PPFIA2: variants seen among roughly 807,000 people sequenced by gnomAD.
PPFIA2 encodes PPFI scaffold protein A2.
A neutral mutation model predicts 175.5 loss-of-function variants in PPFIA2; 46 were observed. The ratio of observed to expected loss-of-function variants is 0.26; its 90% CI spans 0.21 to 0.34. The LOEUF (loss-of-function observed/expected upper bound fraction) is 0.34. PPFIA2 is among the 10% of genes least tolerant of loss of function. PPFIA2 has a pLI of 1.00. For missense variants in PPFIA2, 1,179 were observed against 1,506.1 expected (o/e 0.78, Z 3.60); for synonymous variants, 568 against 511.4 (o/e 1.11, Z -1.49).
At chr12:81,322,692 T>C (rs1566135604) in intron 22 of PPFIA2, among the ~76,000 whole-genome samples, 1 of 152,164 alleles carries the variant, frequency 6.6e-6, no homozygotes, top group Non-Finnish European at 1.5e-5. Context: ...AAAGGCAAAC[T>C]AGGCAGAGCA....
At chr12:81,558,509 G>A (rs147590166) in intron 4 of PPFIA2, among the ~76,000 whole-genome samples, 14 of 152,250 alleles carry the variant, frequency 9.2e-5, no homozygotes, top group Non-Finnish European at 1.9e-4. Flanking sequence ...GAACATTCCC[G>A]TGCTTTCACA....
intron 3 of PPFIA2, among the ~76,000 whole-genome samples, chr12:81,684,416 G>A (rs1054079078): frequency 4.6e-5 from 7 of 152,048 alleles, no homozygotes; most frequent in African/African-American, 1.4e-4. Flanking sequence ...CCAGCAAGAG[G>A]TGAATACCTA....
At chr12:81,447,437 C>T (rs973749519) in intron 5 of PPFIA2, among the ~76,000 whole-genome samples, 1 of 152,102 alleles carries the variant, frequency 6.6e-6, no homozygotes, top group African/African-American at 2.4e-5. Context: ...TTATGCTGTA[C>T]CCTCTGCCCA....
intron 26 of PPFIA2, among the ~76,000 whole-genome samples, chr12:81,282,336 A>T (rs1337266294): frequency 6.6e-6 from 1 of 152,068 alleles, no homozygotes; most frequent in East Asian, 1.9e-4. Flanking sequence ...TTTTTATCAA[A>T]ATCAAAATCA....
chr12:81,437,181 A>G (rs2049216245), intron 7 of PPFIA2, among the ~76,000 whole-genome samples: 1 of 152,106 alleles, frequency 6.6e-6, no homozygotes, highest in South Asian at 2.1e-4. Flanking sequence ...CTGCTGTTCA[A>G]TTTTATGTAT....
chr12:81,582,516 C>T (rs888959479), intron 4 of PPFIA2, among the ~76,000 whole-genome samples: 5 of 151,702 alleles, frequency 3.3e-5, no homozygotes, highest in Non-Finnish European at 5.9e-5. Context: ...TCTACAAAAG[C>T]ACAAATTCTC....
At chr12:81,511,400 A>G (rs1006249286) in intron 4 of PPFIA2, among the ~76,000 whole-genome samples, 1 of 152,152 alleles carries the variant, frequency 6.6e-6, no homozygotes, top group Non-Finnish European at 1.5e-5. Context: ...AGAAATGAAC[A>G]TCAAGATTTA....
intron 13 of PPFIA2, among the ~76,000 whole-genome samples, chr12:81,367,579 C>T (rs575783639): frequency 1.3e-5 from 2 of 151,622 alleles, no homozygotes; most frequent in South Asian, 4.2e-4. Flanking sequence ...AAGAAGAAAT[C>T]ATGAAATCAT....
chr12:81,634,360 T>C (rs552017933), intron 4 of PPFIA2, among the ~76,000 whole-genome samples: 2 of 152,054 alleles, frequency 1.3e-5, no homozygotes, highest in African/African-American at 4.8e-5. Flanking sequence ...TAAGTTTATT[T>C]TGTGGAATGA....
At chr12:81,273,060 T>G (rs949212153) in intron 28 of PPFIA2, among the ~76,000 whole-genome samples, 2 of 152,160 alleles carry the variant, frequency 1.3e-5, no homozygotes. Flanking sequence ...TTAAAGCATA[T>G]TTGGTGGTTA....
chr12:81,417,217 T>C (rs1237445960), intron 7 of PPFIA2: 2 of 151,760 alleles, frequency 1.3e-5, no homozygotes, highest in African/African-American at 2.4e-5. Context: ...TATAATTCCA[T>C]CAATTTGAGT....
chr12:81,290,160 T>C (rs953698186), intron 24 of PPFIA2, among the ~76,000 whole-genome samples: 30 of 151,718 alleles, frequency 2.0e-4, no homozygotes, highest in African/African-American at 6.3e-4. Context: ...ACGAAATACC[T>C]GGCTGAGGAA....
chr12:81,621,319 T>C (rs1372648512), intron 4 of PPFIA2, among the ~76,000 whole-genome samples: 1 of 151,340 alleles, frequency 6.6e-6, no homozygotes, highest in East Asian at 1.9e-4. Flanking sequence ...AGCAAGGGAG[T>C]AGTAGGTGGT....
intron 3 of PPFIA2, among the ~76,000 whole-genome samples, chr12:81,728,881 T>C (rs1288031932): frequency 6.6e-6 from 1 of 151,428 alleles, no homozygotes; most frequent in African/African-American, 2.4e-5. Flanking sequence ...GAGAGATAGG[T>C]GGACAGATGG....
chr12:81,508,579 G>C (rs1222715231), intron 4 of PPFIA2, among the ~76,000 whole-genome samples: 16 of 133,752 alleles, frequency 1.2e-4, no homozygotes, highest in Non-Finnish European at 3.2e-5. Context: ...TAAATAGCAA[G>C]AGTTTACTTT....
At chr12:81,331,411 T>A (rs1160320317) in intron 21 of PPFIA2, among the ~76,000 whole-genome samples, 2 of 152,192 alleles carry the variant, frequency 1.3e-5, no homozygotes, top group East Asian at 3.9e-4. Context: ...ATTTTTAGAA[T>A]GTATCCTTAT....
intron 4 of PPFIA2, among the ~76,000 whole-genome samples, chr12:81,548,594 A>G (rs1294974452): frequency 1.3e-5 from 2 of 152,082 alleles, no homozygotes; most frequent in Non-Finnish European, 2.9e-5. Context: ...AAGTCTCTCA[A>G]GTAGGTGGAA....
chr12:81,666,284 T>A (rs538049476), intron 4 of PPFIA2, among the ~76,000 whole-genome samples: 1 of 152,198 alleles, frequency 6.6e-6, no homozygotes, highest in East Asian at 1.9e-4. Flanking sequence ...GGATTATAAA[T>A]CATGCTGCTA....
intron 22 of PPFIA2, among the ~76,000 whole-genome samples, chr12:81,307,732 C>T (rs920476236): frequency 1.1e-4 from 17 of 152,120 alleles, no homozygotes; most frequent in African/African-American, 4.1e-4. Flanking sequence ...AAAAGCCTCC[C>T]TGACTGTCCT....
Sources: allele counts gnomAD v4.1 joint callset (sites outside exome capture counted in the v4.1 genomes callset), GRCh38; gene constraint gnomAD v4.1.1; transcripts MANE v1.5; gene names NCBI Gene and HGNC (gene_info 2026-07-23, HGNC 2026-07-21).